Variants in FBXW7 observed in about 807,000 individuals in gnomAD.
FBXW7 encodes F-box and WD repeat domain containing 7.
A neutral mutation model predicts 86.3 loss-of-function variants in FBXW7; 11 were observed. The observed-to-expected ratio is 0.13, with a 90% CI of 0.08 to 0.21. FBXW7 has a LOEUF of 0.21. Among genes scored for constraint, FBXW7 ranks in the 10% least tolerant of loss-of-function variants. The pLI, the probability that FBXW7 is intolerant of heterozygous loss-of-function variation, is 1.00. For missense variants in FBXW7, 488 were observed against 847.4 expected, an observed-to-expected ratio of 0.58 and a Z score of 5.27; for synonymous variants, 313 against 297.9, an observed-to-expected ratio of 1.05 and a Z score of -0.52.
intron 2 of FBXW7, among the ~76,000 whole-genome samples, chr4:152,456,140 A>C (rs1294661846): frequency 6.6e-6 from 1 of 152,152 alleles, no homozygotes; most frequent in Non-Finnish European, 1.5e-5. Flanking sequence ...CAAACTGAAA[A>C]AAATCTGCAA....
Position 152,507,339 on chromosome 4 carries a change from G to C in FBXW7, c.-120+27602C>G, listed in dbSNP as rs996406753. 8.5e-5 allele frequency among the ~76,000 whole-genome samples: 13 copies of C among 152,054 alleles called. 1 individual carries two copies. Among genetic ancestry groups the C allele is most frequent in the African/African-American group, 2.2e-4 (9 of 41,398 alleles). On this transcript the variant is annotated intron_variant, in intron 2 of 13. Coordinates refer to ENST00000281708, the MANE Select transcript of FBXW7 (RefSeq NM_001349798.2). ...TTCCTATATCATATAATATTAGAAGGAAGCTCTTAGAAAAGTTTTTTAAAT... is the reference window on the plus strand; with the variant it reads ...TTCCTATATCATATAATATTAGAAGCAAGCTCTTAGAAAAGTTTTTTAAAT...
chr4:152,515,647 T>C (rs1047852423), intron 2 of FBXW7, among the ~76,000 whole-genome samples: 4 of 152,082 alleles, frequency 2.6e-5, no homozygotes, highest in African/African-American at 7.2e-5. Context: ...TGATTCAGCA[T>C]TGAAACAAAA....
intron 2 of FBXW7, among the ~76,000 whole-genome samples, chr4:152,444,162 T>C (rs748944353): frequency 6.6e-6 from 1 of 152,230 alleles, no homozygotes; most frequent in Admixed American, 6.5e-5. Context: ...GGTAATTTCA[T>C]ATGATTTAAC....
intron 4 of FBXW7, among the ~76,000 whole-genome samples, chr4:152,374,037 A>G (rs886566295): frequency 6.6e-6 from 1 of 152,076 alleles, no homozygotes; most frequent in African/African-American, 2.4e-5. Context: ...TGACCATAAA[A>G]AACACCAAAG....
chr4:152,351,600 A>C (rs148542215), intron 4 of FBXW7, among the ~76,000 whole-genome samples: 1,677 of 152,308 alleles, frequency 0.011, 37 homozygotes, highest in African/African-American at 0.038. Context: ...ATAGATACAC[A>C]CATATATATA....
chr4:152,407,416 C>T (rs1737511323), intron 4 of FBXW7, among the ~76,000 whole-genome samples: 1 of 152,192 alleles, frequency 6.6e-6, no homozygotes, highest in South Asian at 2.1e-4. Flanking sequence ...ATATACCAAA[C>T]AGACTTTGAA....
intron 6 of FBXW7, 26 bp from the exon 7 acceptor site, chr4:152,337,962 ATTGTT>A (rs764804434): frequency 1.5e-5 from 23 of 1,584,680 alleles, no homozygotes; most frequent in Admixed American, 1.9e-5. Context: ...AGAAATTTTT[ATTGTT>A]TTAACAGATG....
At chr4:152,357,403 C>G (rs558867543) in intron 4 of FBXW7, among the ~76,000 whole-genome samples, 3 of 151,842 alleles carry the variant, frequency 2.0e-5, no homozygotes, top group Non-Finnish European at 2.9e-5. Flanking sequence ...TCATTGCAAC[C>G]TCCACTTCCT....
At chr4:152,422,662 C>G (rs995385759) in intron 2 of FBXW7, among the ~76,000 whole-genome samples, 11 of 151,978 alleles carry the variant, frequency 7.2e-5, no homozygotes, top group African/African-American at 2.7e-4. Flanking sequence ...AACTTTATAC[C>G]TTAGCATATT....
At chr4:152,426,625 A>G (rs1739407195) in intron 2 of FBXW7, among the ~76,000 whole-genome samples, 1 of 152,198 alleles carries the variant, frequency 6.6e-6, no homozygotes, top group South Asian at 2.1e-4. Context: ...AGCAACAGAG[A>G]TCAGACCTGT....
At position 152,364,778 on chromosome 4, in the gene FBXW7, C is replaced by T. The variant is rs1733311725; in HGVS notation, c.502-14654G>A. Among the ~76,000 whole-genome samples, 3 of 152,248 alleles carry T rather than the reference C, an allele frequency of 2.0e-5. No individual in the cohort carries two copies. The South Asian group carries it at 6.2e-4, about 32-fold the overall frequency. On this transcript the variant is annotated intron_variant, in intron 4 of 13. Transcript: ENST00000281708. ...TATGGTTATCATTCCTAACAGTGAA[C>T]ATCTGTATTGAAACATATGTATCTC... is the stretch of plus-strand genomic sequence containing the variant.
rs1735750574 is a variant in FBXW7, at chr4:152,388,666, T to C, written c.501+22637A>G. Among the ~76,000 whole-genome samples, 4 of 152,144 alleles carry C rather than the reference T, an allele frequency of 2.6e-5. No individual in the cohort carries two copies. The South Asian group carries it at 8.3e-4, about 32-fold the overall frequency. ...CCATGGTACACCAGAAACTCCAAGATTCAGGAACCTTAACTATTTAATGTC... is the reference window on the plus strand; with the variant it reads ...CCATGGTACACCAGAAACTCCAAGACTCAGGAACCTTAACTATTTAATGTC... On this transcript the variant is annotated intron_variant, in intron 4 of 13. Transcript: ENST00000281708.
intron 2 of FBXW7, among the ~76,000 whole-genome samples, chr4:152,434,719 G>A (rs1335870964): frequency 6.6e-6 from 1 of 152,178 alleles, no homozygotes; most frequent in African/African-American, 2.4e-5. Context: ...AATCGTTAAA[G>A]AGAAGAAAAT....
chr4:152,418,492 C>G (rs1031836898), intron 2 of FBXW7, among the ~76,000 whole-genome samples: 1 of 152,068 alleles, frequency 6.6e-6, no homozygotes, highest in Non-Finnish European at 1.5e-5. Context: ...TGGAAATCAC[C>G]TGGAGGAGCT....
At chr4:152,476,882 A>G (rs1175939786) in intron 2 of FBXW7, among the ~76,000 whole-genome samples, 1 of 152,190 alleles carries the variant, frequency 6.6e-6, no homozygotes, top group East Asian at 1.9e-4. Context: ...AGACAAAGAC[A>G]GTATCTTGCT....
chr4:152,371,544 G>A (rs1370440059), intron 4 of FBXW7, among the ~76,000 whole-genome samples: 1 of 151,912 alleles, frequency 6.6e-6, no homozygotes, highest in East Asian at 1.9e-4. Context: ...ATCAAATCAG[G>A]TAAATTGTAT....
At chr4:152,499,038 G>C (rs1396764583) in intron 2 of FBXW7, among the ~76,000 whole-genome samples, 2 of 152,082 alleles carry the variant, frequency 1.3e-5, no homozygotes, top group Admixed American at 1.3e-4. Flanking sequence ...TAATATATTA[G>C]GGGATTCCAA....
intron 2 of FBXW7, among the ~76,000 whole-genome samples, chr4:152,472,821 A>C (rs901651938): frequency 7.2e-5 from 11 of 152,150 alleles, no homozygotes; most frequent in African/African-American, 2.7e-4. Flanking sequence ...ACCTCTCAAT[A>C]ACTTTAAGCC....
chr4:152,533,884 G>A (rs948289579), intron 2 of FBXW7, among the ~76,000 whole-genome samples: 1 of 152,124 alleles, frequency 6.6e-6, no homozygotes, highest in African/African-American at 2.4e-5. Context: ...ATAACCCCAG[G>A]CTTACATTCA....
Sources: gnomAD v4.1 joint callset for allele counts (sites outside exome capture counted in the v4.1 genomes callset) on GRCh38, gnomAD v4.1.1 for gene constraint, MANE v1.5 for transcripts, NCBI Gene and HGNC (gene_info 2026-07-23, HGNC 2026-07-21) for gene names.